The following DCLRE1C variants were observed in gnomAD, a reference collection of about 807,000 sequenced individuals.
The protein encoded by DCLRE1C is protein artemis.
DCLRE1C carries 47 observed loss-of-function variants against 61.4 expected under a neutral mutation model. The ratio of observed to expected loss-of-function variants is 0.77; its 90% CI spans 0.61 to 0.98. The LOEUF (loss-of-function observed/expected upper bound fraction) is 0.98. Ranked by LOEUF, DCLRE1C falls within the 50% of genes least tolerant of loss-of-function variation. The probability of loss-of-function intolerance (pLI) is 0.00; values close to 1 mark genes in which losing one functional copy is unlikely to be tolerated. For synonymous variants in DCLRE1C, 337 were observed against 287.6 expected, an observed-to-expected ratio of 1.17 and a Z score of -1.74; for missense variants, 858 against 816.0, an observed-to-expected ratio of 1.05 and a Z score of -0.63.
At chr10:14,918,144 G>A (rs947778130) in intron 13 of DCLRE1C, among the ~76,000 whole-genome samples, 1 of 152,160 alleles carries the variant, frequency 6.6e-6, no homozygotes, top group African/African-American at 2.4e-5. Flanking sequence ...CCATTCTTAG[G>A]TGTGAAAGCC....
chr10:14,926,818 T>A (rs1838070442), intron 11 of DCLRE1C, 25 bp downstream of exon 11: 2 of 1,597,820 alleles, frequency 1.3e-6, no homozygotes, highest in South Asian at 2.2e-5. Flanking sequence ...GCGATAAGGG[T>A]TATGAGTATA....
rs148509969 is a variant in DCLRE1C, at chr10:14,909,195, T to C, written c.1292A>G (p.Gln431Arg). 1 of 1,614,110 alleles carries C rather than the reference T, an allele frequency of 6.2e-7. No homozygotes were observed. The highest frequency in any genetic ancestry group is 8.5e-7 in the Non-Finnish European group (1 of 1,179,998). ...CTCTGCTCTGCAGCATCCTGGGGTT[T>C]GTCTCAGTTTTTCAGGCTGCTTTTC... ...VSEKQPEKLR[Q>R]TPGCCRAECM... The change falls in exon 14 of 14, where the codon CAA (glutamine) becomes CGA (arginine). Residue 431 changes from glutamine to arginine, a missense_variant. Physicochemically the swap from Gln to Arg is conservative, Grantham distance 43. Coordinates refer to ENST00000378278, the MANE Select transcript of DCLRE1C (RefSeq NM_001033855.3).
In DCLRE1C at chr10:14,936,516, A is replaced by G. The variant is rs1018138932; in HGVS notation, c.362+22T>C. On this transcript the variant is annotated intron_variant, in intron 5 of 13. Transcript: ENST00000378278. The stretch of plus-strand genomic sequence containing the variant: ...ATATGTGTCTACATATAATAAAATG[A>G]CAAAATAAATGACCCCCTTACATAA... 2.5e-6 allele frequency: 4 copies of G among 1,599,270 alleles called. No individual in the cohort carries two copies. In the African/African-American group the frequency reaches 4.0e-5, roughly 16 times the overall value.
chr10:14,909,488 G>A (rs577735219), intron 13 of DCLRE1C, among the ~76,000 whole-genome samples, 158 bp from the exon 14 acceptor site: 2 of 152,072 alleles, frequency 1.3e-5, no homozygotes, highest in East Asian at 3.9e-4. Context: ...CAATTTAACT[G>A]CCATCCTTCA....
At chr10:14,931,030 C>G (rs1037160011) in intron 9 of DCLRE1C, among the ~76,000 whole-genome samples, 2 of 152,092 alleles carry the variant, frequency 1.3e-5, no homozygotes, top group African/African-American at 4.8e-5. Flanking sequence ...ACCATTATTA[C>G]TACAATAATA....
At chr10:14,932,796 C>T in intron 9 of DCLRE1C, 58 bp downstream of exon 9, 1 of 1,597,000 alleles carries the variant, frequency 6.3e-7, no homozygotes. Flanking sequence ...AAGCCCTGAC[C>T]TTTCTTCTTT....
intron 8 of DCLRE1C, 44 bp downstream of exon 8, chr10:14,934,327 CAAAAAAAAA>C (rs374055066): frequency 1.4e-6 from 2 of 1,427,400 alleles, no homozygotes; most frequent in African/African-American, 2.1e-5. Flanking sequence ...GACTCCCTCT[CAAAAAAAAA>C]AAAAAAAGAA....
rs1258164442 is a variant in DCLRE1C, at chr10:14,906,214, G to A, written c.*2194C>T. On this transcript the variant is annotated 3_prime_UTR_variant, in exon 14 of 14. Transcript: ENST00000378278. The stretch of plus-strand genomic sequence containing the variant: ...GTGCCTTTGTCTCATTTGTACATGG[G>A]GATTAGAAATGTATCTACCTCAAAG... 6.6e-6 allele frequency among the ~76,000 whole-genome samples: 1 copy of A among 152,030 alleles called. No individual in the cohort carries two copies. Among genetic ancestry groups the A allele is most frequent in the Non-Finnish European group, 1.5e-5 (1 of 68,028 alleles).
At chr10:14,933,049 G>T in intron 8 of DCLRE1C, 94 bp from the exon 9 acceptor site, 5 of 1,338,784 alleles carry the variant, frequency 3.7e-6, no homozygotes, top group Non-Finnish European at 5.3e-6. Flanking sequence ...CCCAGTTAGT[G>T]AATTAACCCT....
chr10:14,899,780 C>T, downstream of DCLRE1C: 1 of 1,391,888 alleles, frequency 7.2e-7, no homozygotes, highest in Non-Finnish European at 9.7e-7. Context: ...ACTACATATC[C>T]TTTTAACATT....
chr10:14,937,089 G>T (rs1031892936), intron 4 of DCLRE1C, among the ~76,000 whole-genome samples: 3 of 152,110 alleles, frequency 2.0e-5, no homozygotes, highest in African/African-American at 7.2e-5. Context: ...TGAAATATCC[G>T]GAATAGGTGA....
rs746638278 is a variant in DCLRE1C, at chr10:14,923,065, TTAATC to T, written c.973-1_976del. On this transcript the variant is annotated splice_acceptor_variant and coding_sequence_variant, in exon 12 of 14. Coordinates refer to ENST00000378278, the MANE Select transcript of DCLRE1C (RefSeq NM_001033855.3). LOFTEE classifies it high-confidence loss of function. ...AGGACAGAGGTAGCTCAAGAAATCT[TTAATC>T]TAGAAAAAGGAAAATCACATGGATC... 1 of 1,613,170 alleles carries T rather than the reference TTAATC, an allele frequency of 6.2e-7. No individual in the cohort carries two copies. Among genetic ancestry groups the T allele is most frequent in the South Asian group, 1.1e-5 (1 of 91,060 alleles).
chr10:14,910,742 G>T (rs1835117576), intron 13 of DCLRE1C, among the ~76,000 whole-genome samples: 1 of 151,822 alleles, frequency 6.6e-6, no homozygotes, highest in Non-Finnish European at 1.5e-5. Flanking sequence ...AAAGATTAAA[G>T]GAAGAAAGGA....
chr10:14,949,535 G>A (rs1435633161), intron 1 of DCLRE1C, among the ~76,000 whole-genome samples: 1 of 152,206 alleles, frequency 6.6e-6, no homozygotes, highest in Non-Finnish European at 1.5e-5. Flanking sequence ...TTCAGAGTAA[G>A]TGTTTCGTCA....
chr10:14,928,390 C>A (rs753751074), intron 9 of DCLRE1C, among the ~76,000 whole-genome samples: 30 of 152,244 alleles, frequency 2.0e-4, no homozygotes, highest in Non-Finnish European at 3.5e-4. Flanking sequence ...AAGCAAAAGG[C>A]TAGACAAACG....
At chr10:14,913,887 C>T (rs950691625) in intron 13 of DCLRE1C, among the ~76,000 whole-genome samples, 1 of 152,106 alleles carries the variant, frequency 6.6e-6, no homozygotes, top group African/African-American at 2.4e-5. Flanking sequence ...TAAGGGATGA[C>T]TGCATTATAA....
chr10:14,904,531 T>C (rs1834237353), downstream of DCLRE1C, among the ~76,000 whole-genome samples: 1 of 152,074 alleles, frequency 6.6e-6, no homozygotes, highest in Non-Finnish European at 1.5e-5. Flanking sequence ...CATCTAGTTA[T>C]TTGATCTTGT....
intron 13 of DCLRE1C, among the ~76,000 whole-genome samples, chr10:14,917,098 T>C (rs1329094187): frequency 1.3e-5 from 2 of 152,228 alleles, no homozygotes; most frequent in Non-Finnish European, 2.9e-5. Context: ...AATCTCCACA[T>C]ATCTTGTAAA....
At chr10:14,939,354 G>A (rs1336509456) in intron 4 of DCLRE1C, among the ~76,000 whole-genome samples, 9 of 151,586 alleles carry the variant, frequency 5.9e-5, no homozygotes, top group Non-Finnish European at 8.8e-5. Context: ...TGAGGCAGGA[G>A]AATCGCTTGA....
Sources: allele counts gnomAD v4.1 joint callset (sites outside exome capture counted in the v4.1 genomes callset), GRCh38; gene constraint gnomAD v4.1.1; transcripts MANE v1.5; gene names NCBI Gene and HGNC (gene_info 2026-07-23, HGNC 2026-07-21).